GARIN1B: variants seen among roughly 807,000 people sequenced by gnomAD.
GARIN1B encodes the protein golgi associated RAB2 interactor 1B.
At chr7:128,711,468 T>C in the GARIN1B span, among the ~76,000 whole-genome samples, 1 of 152,000 alleles carries the variant, frequency 6.6e-6, no homozygotes, top group Admixed American at 6.6e-5. Context: ...TGGTCCTGTA[T>C]TGGGTACTGA....
At chr7:128,728,169 C>T in the GARIN1B span, among the ~76,000 whole-genome samples, 3 of 152,130 alleles carry the variant, frequency 2.0e-5, no homozygotes, top group Non-Finnish European at 2.9e-5. Flanking sequence ...GGGGGCAGGG[C>T]GCGGTGGCTC....
chr7:128,714,172 A>C, the GARIN1B span: 10 of 1,526,300 alleles, frequency 6.6e-6, no homozygotes, highest in South Asian at 1.2e-4. Context: ...CCCTGACTTT[A>C]TAATGAAATA....
At chr7:128,716,876 A>T in the GARIN1B span, 2 of 1,613,638 alleles carry the variant, frequency 1.2e-6, no homozygotes, top group Admixed American at 3.3e-5. Flanking sequence ...CCTGGGGGTG[A>T]CCTCCTCGGT....
At chr7:128,724,929 G>A in the GARIN1B span, 1 of 1,203,424 alleles carries the variant, frequency 8.3e-7, no homozygotes, top group Non-Finnish European at 1.1e-6. Flanking sequence ...CTGCACCCTT[G>A]AGCATATCGA....
chr7:128,723,764 G>A, the GARIN1B span, among the ~76,000 whole-genome samples: 83 of 151,350 alleles, frequency 5.5e-4, no homozygotes, highest in African/African-American at 1.9e-3. Flanking sequence ...TGCCCGCCTC[G>A]GCCTCCCAAA....
the GARIN1B span, chr7:128,730,021 C>T: frequency 6.2e-7 from 1 of 1,614,208 alleles, no homozygotes. Flanking sequence ...CCTCTCACTA[C>T]TCAGCACTCT....
At chr7:128,718,562 G>C in the GARIN1B span, among the ~76,000 whole-genome samples, 1 of 152,304 alleles carries the variant, frequency 6.6e-6, no homozygotes, top group Admixed American at 6.5e-5. Flanking sequence ...ATCATGGCAG[G>C]GTAGGTGGAA....
the GARIN1B span, chr7:128,716,748 C>G: frequency 1.4e-6 from 2 of 1,412,030 alleles, no homozygotes; most frequent in Non-Finnish European, 9.7e-7. Context: ...GTTGAGAAAC[C>G]CTGGGCTGAA....
the GARIN1B span, chr7:128,719,034 C>CG: frequency 6.2e-7 from 1 of 1,614,084 alleles, no homozygotes; most frequent in Admixed American, 1.7e-5. Context: ...ATTCTTGTCA[C>CG]GCACTGCCTG....
At chr7:128,709,973 G>A in the GARIN1B span, among the ~76,000 whole-genome samples, 13 of 150,788 alleles carry the variant, frequency 8.6e-5, no homozygotes, top group South Asian at 6.3e-4. Context: ...GGCTGGTCTC[G>A]AACTCCTAAC....
chr7:128,715,792 T>C, the GARIN1B span: 60 of 1,092,168 alleles, frequency 5.5e-5, 1 homozygote, highest in African/African-American at 5.7e-4. Context: ...AGAGTGAGAA[T>C]TGAGGCAAGG....
the GARIN1B span, among the ~76,000 whole-genome samples, chr7:128,710,989 C>T: frequency 3.9e-5 from 6 of 152,174 alleles, no homozygotes; most frequent in Non-Finnish European, 5.9e-5. Context: ...TTACCTCTTT[C>T]GGTCTTAATT....
At chr7:128,721,495 T>A in the GARIN1B span, among the ~76,000 whole-genome samples, 1 of 151,668 alleles carries the variant, frequency 6.6e-6, no homozygotes, top group Admixed American at 6.6e-5. Context: ...TTCCTTGGGA[T>A]CTTCTACATA....
At chr7:128,721,316 C>G in the GARIN1B span, among the ~76,000 whole-genome samples, 3 of 152,156 alleles carry the variant, frequency 2.0e-5, no homozygotes, top group Non-Finnish European at 2.9e-5. Context: ...AAGTTCTGCA[C>G]TTATTTGATT....
At chr7:128,715,105 C>A in the GARIN1B span, 1 of 220,628 alleles carries the variant, frequency 4.5e-6, no homozygotes, top group Non-Finnish European at 7.6e-6. Context: ...AGGGCATTTT[C>A]CTCTTAGCAG....
chr7:128,715,114 A>C, the GARIN1B span: 1 of 244,714 alleles, frequency 4.1e-6, no homozygotes, highest in Non-Finnish European at 6.5e-6. Context: ...TCCTCTTAGC[A>C]GTGGAAGGAT....
At chr7:128,713,655 T>C in the GARIN1B span, among the ~76,000 whole-genome samples, 4 of 152,290 alleles carry the variant, frequency 2.6e-5, no homozygotes, top group African/African-American at 9.6e-5. Flanking sequence ...AGCTAAAAAA[T>C]CCTTTGCTCA....
At chr7:128,711,819 T>C in the GARIN1B span, among the ~76,000 whole-genome samples, 1 of 152,094 alleles carries the variant, frequency 6.6e-6, no homozygotes, top group African/African-American at 2.4e-5. Context: ...GGTGCGTGGA[T>C]TGCTTGAGGT....
the GARIN1B span, among the ~76,000 whole-genome samples, chr7:128,717,419 T>C: frequency 6.6e-6 from 1 of 151,048 alleles, no homozygotes; most frequent in Non-Finnish European, 1.5e-5. Context: ...CTCAGTTTTC[T>C]TTGTCTTTTT....
Sources: gnomAD v4.1 joint callset for allele counts (sites outside exome capture counted in the v4.1 genomes callset) on GRCh38, gnomAD v4.1.1 for gene constraint, MANE v1.5 for transcripts, NCBI Gene and HGNC (gene_info 2026-07-23, HGNC 2026-07-21) for gene names.